Variants in PRELID2 observed in about 807,000 individuals in gnomAD.
The protein encoded by PRELID2 is PRELI domain containing 2.
Under a neutral mutation model 28.4 loss-of-function variants are expected in PRELID2, and 25 were observed. The observed-to-expected ratio is 0.88, with a 90% CI of 0.64 to 1.23. The LOEUF (loss-of-function observed/expected upper bound fraction) is 1.23, where lower values mean the gene tolerates loss of function less well. Among genes scored for constraint, PRELID2 ranks in the 50% most tolerant of loss-of-function variants. The pLI is 0.00. For missense variants in PRELID2, 201 were observed against 214.4 expected (o/e 0.94, Z 0.39); for synonymous variants, 76 against 71.6 (o/e 1.06, Z -0.31).
chr5:145,462,246 T>C, the PRELID2 span, among the ~76,000 whole-genome samples: 2 of 152,166 alleles, frequency 1.3e-5, no homozygotes, highest in Non-Finnish European at 2.9e-5. Context: ...AAATTGATTA[T>C]CACAAACCTT....
intron 1 of PRELID2, among the ~76,000 whole-genome samples, chr5:145,834,243 A>G (rs1755788729): frequency 1.3e-5 from 2 of 152,206 alleles, no homozygotes. Flanking sequence ...TGAAATATGC[A>G]AAATCAATCA....
At chr5:145,434,660 G>T in the PRELID2 span, among the ~76,000 whole-genome samples, 1 of 152,156 alleles carries the variant, frequency 6.6e-6, no homozygotes, top group African/African-American at 2.4e-5. Context: ...GGCTTCTGGG[G>T]CACAGTTGAC....
chr5:145,506,929 T>G (rs575677656), intron 1 of PRELID2, among the ~76,000 whole-genome samples: 1 of 152,202 alleles, frequency 6.6e-6, no homozygotes, highest in Non-Finnish European at 1.5e-5. Flanking sequence ...CCATTTTTGT[T>G]TTGTTTATTG....
chr5:145,248,579 G>T, the PRELID2 span, among the ~76,000 whole-genome samples: 2 of 149,016 alleles, frequency 1.3e-5, no homozygotes, highest in African/African-American at 5.2e-5. Flanking sequence ...CAGATCAAAA[G>T]GTCAAGAGAT....
At chr5:145,670,046 A>G (rs772018806) in intron 1 of PRELID2, among the ~76,000 whole-genome samples, 19 of 152,142 alleles carry the variant, frequency 1.2e-4, no homozygotes, top group Non-Finnish European at 7.4e-5. Flanking sequence ...TTAGTCTATA[A>G]GCCCACTGTC....
chr5:145,657,796 G>A (rs1754422660), intron 1 of PRELID2, among the ~76,000 whole-genome samples: 1 of 152,116 alleles, frequency 6.6e-6, no homozygotes, highest in South Asian at 2.1e-4. Flanking sequence ...GGCATCCAAG[G>A]TTACTTCTCC....
At chr5:145,683,439 C>T (rs1037325814) in intron 1 of PRELID2, among the ~76,000 whole-genome samples, 1 of 152,118 alleles carries the variant, frequency 6.6e-6, no homozygotes, top group Admixed American at 6.5e-5. Flanking sequence ...AAAACTTTAT[C>T]TTCTCATAGT....
chr5:145,575,009 C>T (rs1388915321), intron 1 of PRELID2, among the ~76,000 whole-genome samples: 2 of 152,142 alleles, frequency 1.3e-5, no homozygotes, highest in Non-Finnish European at 1.5e-5. Context: ...ATTGACTATA[C>T]TCACAATGAA....
intron 4 of PRELID2, among the ~76,000 whole-genome samples, chr5:145,814,108 A>G (rs1754135473): frequency 6.6e-6 from 1 of 152,236 alleles, no homozygotes; most frequent in African/African-American, 2.4e-5. Context: ...TGTTTCTAGA[A>G]TCAGAATGAC....
At chr5:145,572,560 T>C (rs2895641) in intron 1 of PRELID2, among the ~76,000 whole-genome samples, 29,186 of 152,150 alleles carry the variant, frequency 0.19, 4,945 homozygotes, top group African/African-American at 0.45. Context: ...TATGAGAAGA[T>C]GACATTTTTA....
chr5:145,436,605 T>C, the PRELID2 span, among the ~76,000 whole-genome samples: 1 of 152,162 alleles, frequency 6.6e-6, no homozygotes, highest in African/African-American at 2.4e-5. Context: ...TTTGTTTTTG[T>C]TTTTGTTTTT....
intron 1 of PRELID2, among the ~76,000 whole-genome samples, chr5:145,707,511 G>T (rs538744256): frequency 6.6e-6 from 1 of 152,080 alleles, no homozygotes; most frequent in Non-Finnish European, 1.5e-5. Flanking sequence ...AAAAATCTCC[G>T]CTAAGTTAGT....
At chr5:145,603,500 A>C (rs997369058) in intron 1 of PRELID2, among the ~76,000 whole-genome samples, 4 of 152,120 alleles carry the variant, frequency 2.6e-5, no homozygotes, top group African/African-American at 7.2e-5. Flanking sequence ...AAACAAAGAC[A>C]TTTTTCAAAC....
chr5:145,430,994 G>A, the PRELID2 span, among the ~76,000 whole-genome samples: 1 of 137,480 alleles, frequency 7.3e-6, no homozygotes, highest in Non-Finnish European at 1.5e-5. Context: ...TGGGAATGAG[G>A]CCCTGGCAAT....
chr5:145,385,851 A>G, the PRELID2 span, among the ~76,000 whole-genome samples: 1 of 152,152 alleles, frequency 6.6e-6, no homozygotes, highest in African/African-American at 2.4e-5. Flanking sequence ...ACCTTAACAA[A>G]CTGAAAACAT....
intron 1 of PRELID2, among the ~76,000 whole-genome samples, chr5:145,609,898 C>T (rs1353883270): frequency 6.6e-6 from 1 of 152,216 alleles, no homozygotes; most frequent in Non-Finnish European, 1.5e-5. Flanking sequence ...GGTCTGGAAG[C>T]TGGTACTGGG....
intron 1 of PRELID2, among the ~76,000 whole-genome samples, chr5:145,500,584 C>T (rs555477818): frequency 6.6e-6 from 1 of 152,138 alleles, no homozygotes; most frequent in Non-Finnish European, 1.5e-5. Flanking sequence ...GCCCACAGAA[C>T]TATGGAGAGC....
At chr5:145,522,394 G>A (rs547693714) in intron 1 of PRELID2, among the ~76,000 whole-genome samples, 2 of 150,746 alleles carry the variant, frequency 1.3e-5, no homozygotes, top group Admixed American at 6.6e-5. Flanking sequence ...TATAGATACA[G>A]AGACACACAC....
At chr5:145,391,223 C>T in the PRELID2 span, among the ~76,000 whole-genome samples, 1 of 152,240 alleles carries the variant, frequency 6.6e-6, no homozygotes, top group Non-Finnish European at 1.5e-5. Flanking sequence ...CTGTAGCAGA[C>T]TTTTGCCTAG....
Sources: gnomAD v4.1 joint callset for allele counts (sites outside exome capture counted in the v4.1 genomes callset) on GRCh38, gnomAD v4.1.1 for gene constraint, MANE v1.5 for transcripts, NCBI Gene and HGNC (gene_info 2026-07-23, HGNC 2026-07-21) for gene names.